DISP2: variants seen among roughly 807,000 people sequenced by gnomAD.
The protein encoded by DISP2 is dispatched RND transporter family member 2.
A neutral mutation model predicts 95.5 loss-of-function variants in DISP2; 59 were observed. The ratio of observed to expected loss-of-function variants is 0.62; its 90% confidence interval spans 0.50 to 0.77. The LOEUF (loss-of-function observed/expected upper bound fraction) is 0.77. Ranked by LOEUF, DISP2 falls within the 30% of genes least tolerant of loss-of-function variation. The pLI is 0.00. For missense variants in DISP2, 1,752 were observed against 1,854.6 expected (o/e 0.94, Z 1.02); for synonymous variants, 827 against 815.0 (o/e 1.01, Z -0.25).
In DISP2 at chr15:40,364,260, G is replaced by C. The variant is rs1199309870; in HGVS notation, c.479+5G>C. ...AGCCTTCCAGATGCCAAAGAGGTAG[G>C]CCTGGGCCTTCCCTGGACCTCTAGG... On this transcript the variant is annotated splice_donor_5th_base_variant and intron_variant, in intron 3 of 7. Coordinates refer to ENST00000267889, the MANE Select transcript of DISP2 (RefSeq NM_033510.3). 1.2e-6 allele frequency: 2 copies of C among 1,614,052 alleles called. No homozygotes were observed. Among genetic ancestry groups the C allele is most frequent in the African/African-American group, 2.7e-5 (2 of 74,940 alleles).
Position 40,369,694 on chromosome 15 carries a change from G to A in DISP2, c.3582G>A (p.Glu1194=). The part of the protein sequence containing the change: ...KLSHRPSVLS[E]DLQLHDGPCC... ...CCCACCGGCCCTCAGTACTCTCTGA[G>A]GATCTGCAGCTCCATGATGGTCCGT... Residue 1194 remains glutamate, a synonymous_variant, in exon 8 of 8, where the codon GAG becomes GAA. Transcript: ENST00000267889. 6.2e-7 allele frequency: 1 copy of A among 1,611,910 alleles called. No individual in the cohort carries two copies. The highest frequency in any genetic ancestry group is 8.5e-7 in the Non-Finnish European group (1 of 1,180,008).
At chr15:40,365,570 G>A in intron 6 of DISP2, 58 bp from the exon 7 acceptor site, 1 of 1,586,628 alleles carries the variant, frequency 6.3e-7, no homozygotes, top group East Asian at 2.2e-5. Flanking sequence ...CTTCCCTTTG[G>A]AGGACCCAGG....
intron 1 of DISP2, among the ~76,000 whole-genome samples, chr15:40,361,866 T>A (rs8027487): frequency 0.089 from 13,477 of 152,160 alleles, 807 homozygotes; most frequent in Non-Finnish European, 0.13. Flanking sequence ...CAAACTCTGG[T>A]GAGCAGGCTG....
rs1171698414 is a variant in DISP2, at chr15:40,369,036, C to T, written c.2924C>T (p.Ala975Val). Residue 975 changes from alanine (A) to valine (V), a missense_variant, in exon 8 of 8, where the codon GCC (alanine) becomes GTC (valine). Ala to Val is a moderately conservative substitution (Grantham distance 64). Coordinates refer to ENST00000267889, the MANE Select transcript of DISP2 (RefSeq NM_033510.3). ...GTGCTGGGCCTGGCTTTGGCGCTGGCCTTTGCCACACTGCTCCTGGGCACC... is the reference window on the plus strand; with the variant it reads ...GTGCTGGGCCTGGCTTTGGCGCTGGTCTTTGCCACACTGCTCCTGGGCACC... ...AVVLGLALAL[A>V]FATLLLGTWN... 1 of 1,613,986 alleles carries T rather than the reference C, an allele frequency of 6.2e-7. No homozygotes were observed. The highest frequency in any genetic ancestry group is 8.5e-7 in the Non-Finnish European group (1 of 1,180,046).
At chr15:40,359,239 T>G (rs1480707622) in intron 1 of DISP2, among the ~76,000 whole-genome samples, 3 of 152,216 alleles carry the variant, frequency 2.0e-5, no homozygotes, top group African/African-American at 4.8e-5. Flanking sequence ...TCCTCTGACA[T>G]GACACTGCCT....
intron 1 of DISP2, among the ~76,000 whole-genome samples, chr15:40,363,120 G>A (rs1281501891): frequency 2.0e-5 from 3 of 151,274 alleles, no homozygotes; most frequent in Admixed American, 6.6e-5. Flanking sequence ...TGACTAACAC[G>A]GTGAAACCCC....
intron 1 of DISP2, 127 bp downstream of exon 1, chr15:40,358,567 G>T: frequency 1.4e-6 from 1 of 719,752 alleles, no homozygotes; most frequent in Non-Finnish European, 1.9e-6. Context: ...CCCTTCCCGG[G>T]GTCGCCAAGC....
At chr15:40,365,756 G>A (rs148744639) in intron 7 of DISP2, 31 bp downstream of exon 7, 1 of 1,608,076 alleles carries the variant, frequency 6.2e-7, no homozygotes, top group Admixed American at 1.7e-5. Context: ...CCAGGGGTTT[G>A]GGGGGAACTA....
In DISP2 at chr15:40,367,444, G is replaced by A. The variant is rs1202540332; in HGVS notation, c.1332G>A (p.Lys444=). The A allele has an allele frequency of 1.2e-6, 2 of 1,613,626 alleles. No homozygotes were observed. The highest frequency in any genetic ancestry group is 3.3e-5 in the Admixed American group (2 of 59,998). The part of the protein sequence containing the change: ...KYSLLFLPTP[K]GASLMDIYLD... Reference sequence around the variant, plus strand: ...GCCTGCTCTTCCTGCCCACCCCAAAGGGTGCTTCCCTCATGGACATCTACC... The same window carrying A: ...GCCTGCTCTTCCTGCCCACCCCAAAAGGTGCTTCCCTCATGGACATCTACC... The change falls in exon 8 of 8, where the codon AAG becomes AAA. Residue 444 remains lysine, a synonymous_variant. Transcript: ENST00000267889.
chr15:40,363,604 C>G, intron 1 of DISP2, 21 bp from the exon 2 acceptor site: 1 of 1,500,758 alleles, frequency 6.7e-7, no homozygotes. Context: ...CCCCAATCTT[C>G]CTTGTCTCCT....
intron 7 of DISP2, among the ~76,000 whole-genome samples, chr15:40,366,046 G>A (rs1007996740): frequency 6.6e-6 from 1 of 152,254 alleles, no homozygotes; most frequent in African/African-American, 2.4e-5. Flanking sequence ...TGGGCTTCAA[G>A]GCCTCAGCCC....
Position 40,367,962 on chromosome 15 carries a change from G to A in DISP2, c.1850G>A (p.Cys617Tyr), listed in dbSNP as rs1353157886. 1.9e-6 allele frequency: 3 copies of A among 1,573,226 alleles called. No individual in the cohort carries two copies. Among genetic ancestry groups the A allele is most frequent in the South Asian group, 1.1e-5 (1 of 87,630 alleles). Residue 617 changes from cysteine to tyrosine, a missense_variant, in exon 8 of 8, where the codon TGC (cysteine) becomes TAC (tyrosine). This residue lies in a region of DISP2 where 732 missense variants were observed against 714.6 expected (regional missense o/e 1.02). Transcript: ENST00000267889. ...CTGAGCCGCCTGCCGGCCGTTCGCT[G>A]CCTCGCCCTCTTCATGGGCACGGCT... ...SYLSRLPAVR[C>Y]LALFMGTAVL...
At position 40,368,836 on chromosome 15, in the gene DISP2, G is replaced by A; in HGVS notation, c.2724G>A (p.Gln908=). The A allele has an allele frequency of 6.2e-7, 1 of 1,613,996 alleles. No individual in the cohort carries two copies. The highest frequency in any genetic ancestry group is 2.2e-5 in the East Asian group (1 of 44,882). ...GSLAALVLQF[Q]TNFRNSPDYN... ...TGGCCGCCCTGGTCCTACAATTCCA[G>A]ACCAACTTCCGGAACAGTCCGGACT... is the stretch of plus-strand genomic sequence containing the variant. Residue 908 remains glutamine (Q), a synonymous_variant, in exon 8 of 8, where the codon CAG becomes CAA. Transcript: ENST00000267889.
At chr15:40,366,928 C>A in intron 7 of DISP2, 130 bp from the exon 8 acceptor site, 1 of 1,228,394 alleles carries the variant, frequency 8.1e-7, no homozygotes, top group Non-Finnish European at 1.1e-6. Context: ...CCTATCTCAC[C>A]AGGCTGTCAA....
chr15:40,367,007 C>G (rs779192987), intron 7 of DISP2, 51 bp from the exon 8 acceptor site: 2 of 1,588,986 alleles, frequency 1.3e-6, no homozygotes, highest in Non-Finnish European at 1.7e-6. Context: ...CTGGGAAAAC[C>G]TGAGCCCTTG....
At position 40,368,851 on chromosome 15, in the gene DISP2, C is replaced by T; in HGVS notation, c.2739C>T (p.Asn913=). Residue 913 remains asparagine, a synonymous_variant, in exon 8 of 8, where the codon AAC becomes AAT. Transcript: ENST00000267889. ...TACAATTCCAGACCAACTTCCGGAA[C>T]AGTCCGGACTACAACCAGACCCAGC... ...LVLQFQTNFR[N]SPDYNQTQLF... 6.8e-6 allele frequency: 11 copies of T among 1,614,050 alleles called. No individual in the cohort carries two copies. Among genetic ancestry groups the T allele is most frequent in the Non-Finnish European group, 9.3e-6 (11 of 1,180,052 alleles).
At chr15:40,358,704 C>T (rs1889360509) in intron 1 of DISP2, among the ~76,000 whole-genome samples, 1 of 152,164 alleles carries the variant, frequency 6.6e-6, no homozygotes, top group Non-Finnish European at 1.5e-5. Flanking sequence ...TCCTACCCCT[C>T]CTCTCAGGCC....
rs145245044 is a variant in DISP2, at chr15:40,364,279, C to T, written c.479+24C>T. 2.5e-6 allele frequency: 4 copies of T among 1,614,140 alleles called. No homozygotes were observed. The African/African-American group carries it at 5.3e-5, about 22-fold the overall frequency. ...AGGTAGGCCTGGGCCTTCCCTGGAC[C>T]TCTAGGGGTGACCAGGCTGGTGCCC... is the stretch of plus-strand genomic sequence containing the variant. On this transcript the variant is annotated intron_variant, in intron 3 of 7. Transcript: ENST00000267889.
chr15:40,370,359 A>G lies in DISP2; in HGVS notation c.*41A>G, dbSNP rs1008894581. 6.6e-7 allele frequency: 1 copy of G among 1,508,178 alleles called. No individual in the cohort carries two copies. The highest frequency in any genetic ancestry group is 2.3e-5 in the East Asian group (1 of 43,918). The allele number at this position is 1,508,178 out of a possible 1,614,324, so 93.4% of individuals were successfully genotyped here. Reference sequence around the variant, plus strand: ...GCTGGACAGGGCGCGGAACCCTGTCATGGATGACAAGGCAAGGGCAGCAAT... The same window carrying G: ...GCTGGACAGGGCGCGGAACCCTGTCGTGGATGACAAGGCAAGGGCAGCAAT... On this transcript the variant is annotated 3_prime_UTR_variant, in exon 8 of 8. Transcript: ENST00000267889.
Sources: gnomAD v4.1 joint callset for allele counts (sites outside exome capture counted in the v4.1 genomes callset) on GRCh38, gnomAD v4.1.1 for gene constraint, gnomAD v4.1.1 regional missense constraint, MANE v1.5 for transcripts, NCBI Gene and HGNC (gene_info 2026-07-23, HGNC 2026-07-21) for gene names.